The following CSMD1 variants were observed in gnomAD, a reference collection of about 807,000 sequenced individuals.
CSMD1 encodes CUB and Sushi multiple domains 1.
CSMD1 carries 213 observed loss-of-function variants against 417.5 expected under a neutral mutation model. The observed-to-expected ratio is 0.51, with a 90% CI of 0.46 to 0.57. The LOEUF is 0.57. CSMD1 is among the 20% of genes least tolerant of loss of function. CSMD1 has a pLI of 0.00. For missense variants in CSMD1, 6,923 were observed against 4,529.7 expected (o/e 1.53, Z -15.17); for synonymous variants, 2,862 against 1,736.8 (o/e 1.65, Z -16.11).
At chr8:4,673,516 T>G (rs1173973113) in intron 1 of CSMD1, among the ~76,000 whole-genome samples, 1 of 152,162 alleles carries the variant, frequency 6.6e-6, no homozygotes, top group Admixed American at 6.5e-5. Context: ...TGGAAGAGTT[T>G]CCTACAAAAC....
At chr8:4,105,389 G>A (rs1412760995) in intron 3 of CSMD1, among the ~76,000 whole-genome samples, 2 of 151,984 alleles carry the variant, frequency 1.3e-5, no homozygotes, top group East Asian at 3.9e-4. Context: ...GAATAAGAAG[G>A]TGTTTATAGA....
At chr8:4,853,519 T>G (rs1209021262) in intron 1 of CSMD1, among the ~76,000 whole-genome samples, 1 of 152,206 alleles carries the variant, frequency 6.6e-6, no homozygotes, top group East Asian at 1.9e-4. Flanking sequence ...CACATAGATT[T>G]CAGAAGATGT....
At chr8:4,043,512 C>G (rs952252797) in intron 3 of CSMD1, among the ~76,000 whole-genome samples, 10 of 152,092 alleles carry the variant, frequency 6.6e-5, no homozygotes, top group African/African-American at 2.4e-4. Flanking sequence ...TACAAACAGA[C>G]AAATAGATAA....
intron 3 of CSMD1, among the ~76,000 whole-genome samples, chr8:4,119,033 T>C (rs1224585044): frequency 6.6e-6 from 1 of 151,428 alleles, no homozygotes; most frequent in East Asian, 1.9e-4. Context: ...TAAGTGGGAG[T>C]TGAATAATGA....
intron 26 of CSMD1, among the ~76,000 whole-genome samples, chr8:3,234,871 T>C (rs186400977): frequency 1.3e-5 from 2 of 152,324 alleles, no homozygotes; most frequent in Admixed American, 1.3e-4. Context: ...GAATTTACTC[T>C]TTGAGTGATA....
intron 37 of CSMD1, among the ~76,000 whole-genome samples, chr8:3,175,510 T>TGCCTGCCTGCCTGCCTTCC (rs1554451344): frequency 1.5e-5 from 2 of 132,950 alleles, no homozygotes; most frequent in African/African-American, 2.7e-5. Flanking sequence ...CCTGCCTGCC[T>TGCCTGCCTGCCTGCCTTCC]TTTTTCCTTC....
intron 3 of CSMD1, among the ~76,000 whole-genome samples, chr8:4,107,223 G>A (rs1183244503): frequency 6.6e-6 from 1 of 152,220 alleles, no homozygotes; most frequent in Non-Finnish European, 1.5e-5. Context: ...AGAGCTAGAA[G>A]TAGCTGGCGC....
chr8:3,007,889 T>G (rs1005441084), intron 52 of CSMD1, among the ~76,000 whole-genome samples: 2 of 151,822 alleles, frequency 1.3e-5, no homozygotes, highest in Non-Finnish European at 2.9e-5. Flanking sequence ...ACCTGCACAA[T>G]GTGCACATGT....
At position 3,343,267 on chromosome 8, in the gene CSMD1, A is replaced by G. The variant is rs193019435; in HGVS notation, c.3631+27T>C. On this transcript the variant is annotated intron_variant, in intron 23 of 69. Coordinates refer to ENST00000635120, the MANE Select transcript of CSMD1 (RefSeq NM_033225.6). ...ATATGTCCTGACAAAATGAAAAAAGAACGTGATTAAGTCGTATGTTACTTA... is the reference window on the plus strand; with the variant it reads ...ATATGTCCTGACAAAATGAAAAAAGGACGTGATTAAGTCGTATGTTACTTA... 5.0e-4 allele frequency: 795 copies of G among 1,598,844 alleles called. 3 individuals are homozygous for G. In the African/African-American group the frequency reaches 8.7e-3, roughly 17 times the overall value.
intron 54 of CSMD1, among the ~76,000 whole-genome samples, chr8:2,996,315 G>C (rs1227814430): frequency 6.6e-6 from 1 of 152,022 alleles, no homozygotes; most frequent in Non-Finnish European, 1.5e-5. Context: ...ACATATTTGA[G>C]CTGAAATATT....
Position 3,753,915 on chromosome 8 carries a change from A to T in CSMD1, c.931+15T>A, listed in dbSNP as rs1212339651. ...CTCTGTTTTTTTTTTTTCTTATAAGATGGAGCATCCTTACCTTGGAACTGA... is the reference window on the plus strand; with the variant it reads ...CTCTGTTTTTTTTTTTTCTTATAAGTTGGAGCATCCTTACCTTGGAACTGA... On this transcript the variant is annotated intron_variant, in intron 6 of 69. Coordinates refer to ENST00000635120, the MANE Select transcript of CSMD1 (RefSeq NM_033225.6). 7 of 1,540,572 alleles carry T rather than the reference A, an allele frequency of 4.5e-6. No homozygotes were observed. Among genetic ancestry groups the T allele is most frequent in the Non-Finnish European group, 6.3e-6 (7 of 1,118,728 alleles).
At chr8:4,107,542 T>A (rs902083513) in intron 3 of CSMD1, among the ~76,000 whole-genome samples, 1 of 152,210 alleles carries the variant, frequency 6.6e-6, no homozygotes, top group Non-Finnish European at 1.5e-5. Context: ...GGCTAATTTT[T>A]AAGCTACAAA....
intron 5 of CSMD1, among the ~76,000 whole-genome samples, chr8:3,920,886 G>A (rs1056898984): frequency 6.6e-6 from 1 of 152,096 alleles, no homozygotes; most frequent in Admixed American, 6.6e-5. Flanking sequence ...GTGTTTTGTT[G>A]AGAATTTTTG....
intron 5 of CSMD1, among the ~76,000 whole-genome samples, chr8:3,765,765 T>C (rs1024589680): frequency 6.6e-6 from 1 of 152,180 alleles, no homozygotes. Context: ...ATCCTCCTTT[T>C]GTTTGCCCCA....
intron 18 of CSMD1, among the ~76,000 whole-genome samples, chr8:3,373,955 T>C (rs1328058920): frequency 1.4e-5 from 1 of 70,430 alleles, no homozygotes; most frequent in Non-Finnish European, 2.7e-5. Flanking sequence ...TCCAACTATT[T>C]TTTTTTTTTT....
intron 1 of CSMD1, among the ~76,000 whole-genome samples, chr8:4,730,279 A>G (rs35433274): frequency 0.38 from 58,069 of 152,036 alleles, 12,531 homozygotes; most frequent in Admixed American, 0.49. Flanking sequence ...AACTCAGAAC[A>G]ACTGTGAAGA....
chr8:3,884,467 G>C (rs991826418), intron 5 of CSMD1, among the ~76,000 whole-genome samples: 2 of 152,142 alleles, frequency 1.3e-5, no homozygotes, highest in African/African-American at 4.8e-5. Context: ...CTGCCAGCCT[G>C]AGCAGGGCCC....
In CSMD1 at chr8:4,117,201, G is replaced by T. The variant is rs186439079; in HGVS notation, c.416-85102C>A. On this transcript the variant is annotated intron_variant, in intron 3 of 69. Coordinates refer to ENST00000635120, the MANE Select transcript of CSMD1 (RefSeq NM_033225.6). ...ATTCATCTCGATGGTTGCTGGAATG[G>T]CTTCCAAGGACCCCCTCCATCTCAT... is the stretch of plus-strand genomic sequence containing the variant. Among the ~76,000 whole-genome samples the T allele has an allele frequency of 5.3e-5, 8 of 151,058 alleles. No individual in the cohort carries two copies. In the East Asian group the frequency reaches 1.2e-3, roughly 22 times the overall value.
At chr8:4,446,765 G>GTGTGTGTGTC (rs1563183340) in intron 2 of CSMD1, among the ~76,000 whole-genome samples, 4 of 94,418 alleles carry the variant, frequency 4.2e-5, no homozygotes, top group African/African-American at 2.3e-4. Flanking sequence ...CTGTGTGTGT[G>GTGTGTGTGTC]TGTGTGTGTG....
Sources: allele counts gnomAD v4.1 joint callset (sites outside exome capture counted in the v4.1 genomes callset), GRCh38; gene constraint gnomAD v4.1.1; transcripts MANE v1.5; gene names NCBI Gene and HGNC (gene_info 2026-07-23, HGNC 2026-07-21).